GMDS: variants seen among roughly 807,000 people sequenced by gnomAD.
GMDS encodes GDP-mannose 4,6-dehydratase.
A neutral mutation model predicts 49.9 loss-of-function variants in GMDS; 20 were observed. That is an observed-to-expected ratio of 0.40 (90% CI 0.28 to 0.58). GMDS has a LOEUF of 0.58. GMDS is among the 20% of genes least tolerant of loss of function. The probability of loss-of-function intolerance (pLI) is 0.42; values close to 1 mark genes in which losing one functional copy is unlikely to be tolerated. For synonymous variants in GMDS, 177 were observed against 178.6 expected (o/e 0.99, Z 0.07); for missense variants, 362 against 481.4 (o/e 0.75, Z 2.32).
chr6:2,119,955 T>C (rs1717329917), intron 2 of GMDS, among the ~76,000 whole-genome samples: 4 of 152,180 alleles, frequency 2.6e-5, no homozygotes, highest in Admixed American at 2.6e-4. Flanking sequence ...ATAACAGAAA[T>C]GCTTTATTAT....
At chr6:2,079,079 A>G (rs1020404596) in intron 4 of GMDS, among the ~76,000 whole-genome samples, 21 of 126,590 alleles carry the variant, frequency 1.7e-4, no homozygotes, top group Non-Finnish European at 2.6e-4. Flanking sequence ...TTTATCTGAC[A>G]TAAGTATAGC....
intron 1 of GMDS, among the ~76,000 whole-genome samples, chr6:2,142,617 T>A (rs1236790107): frequency 6.6e-6 from 1 of 152,078 alleles, no homozygotes; most frequent in Non-Finnish European, 1.5e-5. Context: ...AACACCTTGA[T>A]CATGGACTTC....
intron 7 of GMDS, among the ~76,000 whole-genome samples, chr6:1,797,502 G>C (rs1385191060): frequency 6.6e-6 from 1 of 152,162 alleles, no homozygotes; most frequent in Non-Finnish European, 1.5e-5. Context: ...TTTGTACAAT[G>C]AAAAGCACAG....
chr6:1,857,876 T>C (rs1581263743), intron 7 of GMDS, among the ~76,000 whole-genome samples: 2 of 152,152 alleles, frequency 1.3e-5, no homozygotes, highest in South Asian at 4.1e-4. Context: ...ACTAAGGTAG[T>C]TGTCTATAAT....
At chr6:1,998,079 T>G (rs923356930) in intron 4 of GMDS, among the ~76,000 whole-genome samples, 1 of 151,934 alleles carries the variant, frequency 6.6e-6, no homozygotes, top group African/African-American at 2.4e-5. Flanking sequence ...GGCAAACAAA[T>G]AAACATCGGG....
At chr6:2,160,402 T>C (rs1172112427) in intron 1 of GMDS, among the ~76,000 whole-genome samples, 1 of 152,214 alleles carries the variant, frequency 6.6e-6, no homozygotes, top group Non-Finnish European at 1.5e-5. Context: ...ATTTTATAGG[T>C]GGAACACTTT....
At chr6:2,163,927 G>T (rs1777535198) in intron 1 of GMDS, among the ~76,000 whole-genome samples, 1 of 152,224 alleles carries the variant, frequency 6.6e-6, no homozygotes, top group Non-Finnish European at 1.5e-5. Flanking sequence ...TCTCACCATT[G>T]TGAAAGCCAT....
intron 9 of GMDS, among the ~76,000 whole-genome samples, chr6:1,634,432 A>G (rs749115871): frequency 1.2e-4 from 18 of 152,176 alleles, no homozygotes; most frequent in Non-Finnish European, 2.1e-4. Flanking sequence ...GTAGCTCTCA[A>G]GAGGATGAGG....
In GMDS at chr6:1,742,488, C is replaced by A; in HGVS notation, c.870G>T (p.Leu290Phe). Reference sequence around the variant, plus strand: ...CTTACACAATGGTTTTTCCAATGTGCAAGAATGATTTCTCGACAAATTCCC... The same window carrying A: ...CTTACACAATGGTTTTTCCAATGTGAAAGAATGATTTCTCGACAAATTCCC... ...SVREFVEKSF[L>F]HIGKTIVWEG... The change falls in exon 8 of 11, where the codon TTG (leucine) becomes TTT (phenylalanine). Residue 290 changes from leucine (L) to phenylalanine (F), a missense_variant. Physicochemically the swap from Leu to Phe is conservative, Grantham distance 22 (BLOSUM62 0). Transcript: ENST00000380815. 2 of 1,599,408 alleles carry A rather than the reference C, an allele frequency of 1.3e-6. No homozygotes were observed. The highest frequency in any genetic ancestry group is 1.7e-6 in the Non-Finnish European group (2 of 1,166,806).
At chr6:2,186,996 C>T (rs1778807503) in intron 1 of GMDS, among the ~76,000 whole-genome samples, 1 of 152,206 alleles carries the variant, frequency 6.6e-6, no homozygotes, top group South Asian at 2.1e-4. Context: ...TTTACCAGAT[C>T]ATTAAAACAT....
intron 1 of GMDS, among the ~76,000 whole-genome samples, chr6:2,216,307 A>G (rs1780331504): frequency 1.3e-5 from 2 of 152,382 alleles, no homozygotes; most frequent in Non-Finnish European, 2.9e-5. Context: ...TTTAAACTCA[A>G]TTGAAGAGAC....
At chr6:1,987,179 T>C (rs1428882847) in intron 4 of GMDS, among the ~76,000 whole-genome samples, 1 of 152,180 alleles carries the variant, frequency 6.6e-6, no homozygotes, top group Non-Finnish European at 1.5e-5. Context: ...AACATTAGTA[T>C]GAAGATGTAA....
chr6:2,178,520 C>T (rs2127560074), intron 1 of GMDS, among the ~76,000 whole-genome samples: 1 of 152,276 alleles, frequency 6.6e-6, no homozygotes, highest in South Asian at 2.1e-4. Context: ...GATCCACCCC[C>T]ATGATCCAAT....
chr6:1,718,576 C>G (rs749467698), intron 9 of GMDS, among the ~76,000 whole-genome samples: 5 of 152,172 alleles, frequency 3.3e-5, no homozygotes, highest in Admixed American at 6.5e-5. Context: ...ACCCACCCCA[C>G]CCCGGGCTGT....
At chr6:1,990,218 C>G (rs1384596249) in intron 4 of GMDS, among the ~76,000 whole-genome samples, 4 of 152,174 alleles carry the variant, frequency 2.6e-5, no homozygotes, top group Non-Finnish European at 5.9e-5. Context: ...ATCGCTTGAA[C>G]CCGGGAGGCG....
At chr6:2,188,817 G>C (rs1004709780) in intron 1 of GMDS, among the ~76,000 whole-genome samples, 11 of 152,192 alleles carry the variant, frequency 7.2e-5, no homozygotes, top group African/African-American at 2.7e-4. Context: ...GGAATGGTGG[G>C]AGAGCCACAG....
intron 7 of GMDS, among the ~76,000 whole-genome samples, chr6:1,901,268 C>T (rs543503543): frequency 3.3e-5 from 5 of 152,318 alleles, no homozygotes; most frequent in African/African-American, 1.2e-4. Flanking sequence ...GACCGTGGAA[C>T]ATAATTCTGA....
rs1159596823 is a variant in GMDS, at chr6:1,635,263, T to A, written c.988-10723A>T. Among the ~76,000 whole-genome samples the A allele has an allele frequency of 6.6e-6, 1 of 152,184 alleles. No homozygotes were observed. Among genetic ancestry groups the A allele is most frequent in the South Asian group, 2.1e-4 (1 of 4,828 alleles). ...TCTGGGAAAGGGGCTCCGTTTCACA[T>A]GTCCTGGCTATGCTCCTGTGAAAGG... On this transcript the variant is annotated intron_variant, in intron 9 of 10. Transcript: ENST00000380815. This position sits in a 1 kb window ranked among gnomAD's most constrained non-coding sequence, Gnocchi z 4.7.
At chr6:1,752,005 C>A (rs1767754470) in intron 7 of GMDS, among the ~76,000 whole-genome samples, 2 of 152,126 alleles carry the variant, frequency 1.3e-5, no homozygotes. Flanking sequence ...TCCTCGGCAG[C>A]AAGGGAACAA....
Sources: allele counts gnomAD v4.1 joint callset (sites outside exome capture counted in the v4.1 genomes callset), GRCh38; gene constraint gnomAD v4.1.1; non-coding constraint Gnocchi (gnomAD v3.1); transcripts MANE v1.5; gene names NCBI Gene and HGNC (gene_info 2026-07-23, HGNC 2026-07-21).